DUSP14: variants seen among roughly 807,000 people sequenced by gnomAD.
DUSP14 encodes dual specificity phosphatase 14.
Under a neutral mutation model 13.2 loss-of-function variants are expected in DUSP14, and 5 were observed. That is an observed-to-expected ratio of 0.38 (90% CI 0.20 to 0.80). The LOEUF (loss-of-function observed/expected upper bound fraction) is 0.80, where lower values mean the gene tolerates loss of function less well. Among genes scored for constraint, DUSP14 ranks in the 30% least tolerant of loss-of-function variants. DUSP14 has a pLI of 0.44. For synonymous variants in DUSP14, 91 were observed against 103.4 expected (o/e 0.88, Z 0.73); for missense variants, 185 against 264.0 (o/e 0.70, Z 2.07).
rs1321160303 is a variant in DUSP14 at position 37,512,122 on chromosome 17, C to T, written c.-92-59C>T. On this transcript the variant is annotated intron_variant, in intron 2 of 2. Transcript: ENST00000617516. This position sits in a 1 kb window ranked among gnomAD's most constrained non-coding sequence, Gnocchi z 4.8. ...TAATCTTCCCATTTGACAAATGTGA[C>T]AGAAGGCTGTGATGAATCAGTAGCA... The T allele has an allele frequency of 4.8e-6, 3 of 621,104 alleles. No individual in the cohort carries two copies. The East Asian group carries it at 7.9e-5, about 16-fold the overall frequency. The allele number at this position is 621,104 out of a possible 1,614,324, so 38.5% of individuals were successfully genotyped here.
chr17:37,496,095 A>G (rs1202382768), intron 1 of DUSP14, among the ~76,000 whole-genome samples: 1 of 152,218 alleles, frequency 6.6e-6, no homozygotes, highest in East Asian at 1.9e-4. Flanking sequence ...ATTTAACTAA[A>G]TCTTTTAAAT....
intron 2 of DUSP14, among the ~76,000 whole-genome samples, chr17:37,511,941 T>TTTTTTTTTTTTTTTTTG: frequency 8.5e-6 from 1 of 117,292 alleles, no homozygotes; most frequent in Non-Finnish European, 1.8e-5. Context: ...CACCCCACTT[T>TTTTTTTTTTTTTTTTTG]TTTTTTTTTT....
At chr17:37,504,143 G>A (rs752656558) in intron 1 of DUSP14, among the ~76,000 whole-genome samples, 5 of 152,048 alleles carry the variant, frequency 3.3e-5, no homozygotes, top group East Asian at 1.9e-4. Context: ...GCGGTGAGCC[G>A]AGATCTCATC....
intron 1 of DUSP14, among the ~76,000 whole-genome samples, chr17:37,492,834 A>T (rs2054037941): frequency 6.6e-6 from 1 of 152,190 alleles, no homozygotes. Flanking sequence ...TCCTAGCCAG[A>T]AACTACCCTG....
Position 37,512,911 on chromosome 17 carries a change from T to A in DUSP14, c.*42T>A. 1 of 1,513,680 alleles carries A rather than the reference T, an allele frequency of 6.6e-7. No individual in the cohort carries two copies. The allele number at this position is 1,513,680 out of a possible 1,614,324, so 93.8% of individuals were successfully genotyped here. A position where few individuals can be genotyped will look rare whatever the true frequency, so the allele number is the denominator to read the frequency against. On this transcript the variant is annotated 3_prime_UTR_variant, in exon 3 of 3. Coordinates refer to ENST00000617516, the MANE Select transcript of DUSP14 (RefSeq NM_007026.4). This position sits in a 1 kb window ranked among gnomAD's most constrained non-coding sequence, Gnocchi z 4.8. The stretch of plus-strand genomic sequence containing the variant: ...GTCAGCAGCCCGAGCGGGGCCGGCA[T>A]CTGCTCCCCGCCGTCTGCTCCCTCT...
chr17:37,494,268 C>G (rs1394341918), intron 1 of DUSP14, among the ~76,000 whole-genome samples: 1 of 152,224 alleles, frequency 6.6e-6, no homozygotes, highest in East Asian at 1.9e-4. Flanking sequence ...GCTGGGATTA[C>G]AGGCGTGAGC....
intron 1 of DUSP14, chr17:37,510,104 C>T (rs1424223251): frequency 6.6e-6 from 1 of 152,260 alleles, no homozygotes; most frequent in Non-Finnish European, 1.5e-5. Flanking sequence ...ATTAGCGTTC[C>T]TGGCTGCAGC....
intron 1 of DUSP14, among the ~76,000 whole-genome samples, chr17:37,490,761 T>G (rs1200628194): frequency 1.3e-5 from 2 of 152,032 alleles, no homozygotes; most frequent in African/African-American, 4.8e-5. Context: ...ACATTTAGTG[T>G]GTGTTAACTC....
intron 1 of DUSP14, among the ~76,000 whole-genome samples, chr17:37,498,920 G>A (rs552058328): frequency 8.5e-5 from 13 of 152,250 alleles, no homozygotes; most frequent in South Asian, 6.2e-4. Context: ...GGTGATTCTC[G>A]TGTAGGACTC....
intron 1 of DUSP14, among the ~76,000 whole-genome samples, chr17:37,494,812 A>G (rs1308253053): frequency 6.6e-6 from 1 of 152,182 alleles, no homozygotes; most frequent in East Asian, 1.9e-4. Flanking sequence ...AGCTGGAGGG[A>G]TGATGGAAGA....
rs770766484 is a variant in DUSP14, at chr17:37,512,921, G to A, written c.*52G>A. The A allele has an allele frequency of 2.9e-5, 42 of 1,452,194 alleles. No homozygotes were observed. The highest frequency in any genetic ancestry group is 3.6e-4 in the Middle Eastern group (2 of 5,562). The allele number at this position is 1,452,194 out of a possible 1,614,324, so 90.0% of individuals were successfully genotyped here. ...CGAGCGGGGCCGGCATCTGCTCCCC[G>A]CCGTCTGCTCCCTCTCCACTCTCTT... On this transcript the variant is annotated 3_prime_UTR_variant, in exon 3 of 3. Transcript: ENST00000617516. The surrounding 1 kb of genome is among the most constrained non-coding windows in gnomAD (Gnocchi z 4.8).
chr17:37,509,104 CATAT>C (rs1164025226), intron 1 of DUSP14, among the ~76,000 whole-genome samples: 1,299 of 36,040 alleles, frequency 0.036, 212 homozygotes, highest in South Asian at 0.083. Flanking sequence ...AAAAAAAACC[CATAT>C]ATATATATAT....
intron 1 of DUSP14, among the ~76,000 whole-genome samples, chr17:37,502,385 C>T (rs1045950327): frequency 1.3e-5 from 2 of 149,308 alleles, no homozygotes; most frequent in Non-Finnish European, 3.0e-5. Context: ...AGTCTTCTCA[C>T]ATTGCTTCAG....
chr17:37,500,582 T>C (rs2054098265), intron 1 of DUSP14, among the ~76,000 whole-genome samples: 1 of 152,226 alleles, frequency 6.6e-6, no homozygotes, highest in South Asian at 2.1e-4. Context: ...TGCTGATTAG[T>C]GATTTTTTTA....
chr17:37,497,915 G>A (rs1012134607), intron 1 of DUSP14, among the ~76,000 whole-genome samples: 1 of 151,912 alleles, frequency 6.6e-6, no homozygotes, highest in Non-Finnish European at 1.5e-5. Context: ...GCATGGTGGC[G>A]CACCCCTGTA....
At chr17:37,491,144 G>A (rs2054025401) in intron 1 of DUSP14, among the ~76,000 whole-genome samples, 1 of 152,192 alleles carries the variant, frequency 6.6e-6, no homozygotes, top group East Asian at 1.9e-4. Flanking sequence ...CAAAGGTGCT[G>A]TATTCTTTGC....
chr17:37,498,314 C>CTTTTTTTTTTTTT lies in DUSP14; in HGVS notation c.-181+8374_-181+8386dup, dbSNP rs765033929. 1.7e-4 allele frequency among the ~76,000 whole-genome samples: 12 copies of CTTTTTTTTTTTTT among 70,578 alleles called. 2 individuals are homozygous for CTTTTTTTTTTTTT. The highest frequency in any genetic ancestry group is 7.1e-4 in the African/African-American group (12 of 16,952). The allele number at this position is 70,578 out of a possible 152,430, so 46.3% of individuals were successfully genotyped here. ...ACTTGTTTTGTGTACTAGATTGTAT[C>CTTTTTTTTTTTTT]TTTTTTTTTTTTTTTTTTTTTTTTT... On this transcript the variant is annotated intron_variant, in intron 1 of 2. Transcript: ENST00000617516.
At chr17:37,504,433 A>G (rs2054124419) in intron 1 of DUSP14, among the ~76,000 whole-genome samples, 1 of 152,194 alleles carries the variant, frequency 6.6e-6, no homozygotes, top group Admixed American at 6.5e-5. Flanking sequence ...TCGTGTACAT[A>G]TCCTCATGTA....
rs1300572266 is a variant in DUSP14, at chr17:37,513,433, C to T, written c.*564C>T. The T allele has an allele frequency of 6.0e-6, 1 of 167,388 alleles. No homozygotes were observed. Among genetic ancestry groups the T allele is most frequent in the African/African-American group, 2.4e-5 (1 of 41,456 alleles). 10.4% of individuals were successfully genotyped at this position (167,388 alleles called of 1,614,324 possible). A position where few individuals can be genotyped will look rare whatever the true frequency, so the allele number is the denominator to read the frequency against. On this transcript the variant is annotated 3_prime_UTR_variant, in exon 3 of 3. Coordinates refer to ENST00000617516, the MANE Select transcript of DUSP14 (RefSeq NM_007026.4). ...TATAATGAAATCTGCTGCAAAATCT[C>T]TCTTGGAATCCATGTGCCCAGGATT...
Sources: gnomAD v4.1 joint callset for allele counts (sites outside exome capture counted in the v4.1 genomes callset) on GRCh38, gnomAD v4.1.1 for gene constraint, Gnocchi (gnomAD v3.1) non-coding constraint, MANE v1.5 for transcripts, NCBI Gene and HGNC (gene_info 2026-07-23, HGNC 2026-07-21) for gene names.